Variants in SLC8A1 observed in about 807,000 individuals in gnomAD.
The protein encoded by SLC8A1 is sodium/calcium exchanger 1.
In SLC8A1, 18 loss-of-function variants were observed where a neutral mutation model predicts 68.3. That is an observed-to-expected ratio of 0.26 (90% CI 0.18 to 0.39). The LOEUF (loss-of-function observed/expected upper bound fraction) is 0.39, where lower values mean the gene tolerates loss of function less well. Among genes scored for constraint, SLC8A1 ranks in the 10% least tolerant of loss-of-function variants. The pLI is 1.00. For missense variants in SLC8A1, 985 were observed against 1,156.7 expected (o/e 0.85, Z 2.15); for synonymous variants, 475 against 415.5 (o/e 1.14, Z -1.74).
At position 40,234,554 on chromosome 2, in the gene SLC8A1, AT is replaced by A. The variant is rs1449645844; in HGVS notation, c.1809-56700del. Among the ~76,000 whole-genome samples, 8 of 152,156 alleles carry A rather than the reference AT, an allele frequency of 5.3e-5. No individual in the cohort carries two copies. In the East Asian group the frequency reaches 7.7e-4, roughly 15 times the overall value. The stretch of plus-strand genomic sequence containing the variant: ...ATCATGTCTTCTGCAAAAAGGGACA[AT>A]TTGACTTCCTCTTTTCCTAATTGAA... On this transcript the variant is annotated intron_variant, in intron 2 of 7. Transcript: ENST00000406785.
At chr2:40,124,045 TCTC>T (rs776809829) in intron 7 of SLC8A1, among the ~76,000 whole-genome samples, 1 of 152,134 alleles carries the variant, frequency 6.6e-6, no homozygotes, top group Non-Finnish European at 1.5e-5. Flanking sequence ...CCTATCCAAA[TCTC>T]CTCAAATTCT....
intron 2 of SLC8A1, among the ~76,000 whole-genome samples, chr2:40,210,511 A>G (rs2056384685): frequency 6.6e-6 from 1 of 152,226 alleles, no homozygotes; most frequent in South Asian, 2.1e-4. Flanking sequence ...TGAAGGGATA[A>G]TTAAGAAAGT....
intron 2 of SLC8A1, among the ~76,000 whole-genome samples, chr2:40,290,657 A>G (rs77693340): frequency 0.019 from 2,950 of 152,280 alleles, 86 homozygotes; most frequent in African/African-American, 0.067. Context: ...CCAGAAAACA[A>G]AAAGTATTTT....
At chr2:40,373,080 G>A (rs537720649) in intron 2 of SLC8A1, among the ~76,000 whole-genome samples, 23 of 151,918 alleles carry the variant, frequency 1.5e-4, no homozygotes, top group Non-Finnish European at 2.1e-4. Context: ...GAAGAAAGAA[G>A]TCCAGAAATG....
chr2:40,401,269 G>C (rs1688641728), intron 2 of SLC8A1, among the ~76,000 whole-genome samples: 1 of 152,154 alleles, frequency 6.6e-6, no homozygotes, highest in Non-Finnish European at 1.5e-5. Context: ...AACTGTACTT[G>C]TACCATTCTT....
At chr2:40,388,638 T>A (rs1164800106) in intron 2 of SLC8A1, among the ~76,000 whole-genome samples, 1 of 152,146 alleles carries the variant, frequency 6.6e-6, no homozygotes, top group African/African-American at 2.4e-5. Context: ...TTTTGACAAT[T>A]TTGTTGGAAA....
intron 1 of SLC8A1, among the ~76,000 whole-genome samples, chr2:40,450,112 C>T (rs371247316): frequency 6.6e-6 from 1 of 152,132 alleles, no homozygotes; most frequent in East Asian, 1.9e-4. Context: ...AAAGATGGAG[C>T]TAGTTTTCCC....
At chr2:40,250,593 G>C (rs1231162593) in intron 2 of SLC8A1, 3 of 152,054 alleles carry the variant, frequency 2.0e-5, no homozygotes, top group Non-Finnish European at 4.4e-5. Flanking sequence ...GTGACTCTTC[G>C]AGTTATTCTT....
At chr2:40,367,418 C>T (rs994107315) in intron 2 of SLC8A1, among the ~76,000 whole-genome samples, 5 of 152,050 alleles carry the variant, frequency 3.3e-5, no homozygotes, top group Admixed American at 1.3e-4. Flanking sequence ...TCCATGGTAT[C>T]GCTACACACA....
intron 1 of SLC8A1, among the ~76,000 whole-genome samples, chr2:40,468,108 T>C (rs1418647251): frequency 6.6e-6 from 1 of 152,068 alleles, no homozygotes; most frequent in Non-Finnish European, 1.5e-5. Context: ...ACACATAATA[T>C]ACCCATTTAT....
chr2:40,132,855 C>A (rs2039670462), intron 7 of SLC8A1, among the ~76,000 whole-genome samples: 1 of 152,044 alleles, frequency 6.6e-6, no homozygotes, highest in Non-Finnish European at 1.5e-5. Context: ...GTGCTTATGC[C>A]TAGATATAGT....
At chr2:40,506,367 G>T (rs960840323) in intron 1 of SLC8A1, among the ~76,000 whole-genome samples, 2 of 151,902 alleles carry the variant, frequency 1.3e-5, no homozygotes, top group African/African-American at 2.4e-5. Flanking sequence ...ATACTTTTTA[G>T]AATGGTTATC....
chr2:40,166,059 G>A (rs370954543), intron 4 of SLC8A1, among the ~76,000 whole-genome samples: 2 of 152,196 alleles, frequency 1.3e-5, no homozygotes, highest in African/African-American at 2.4e-5. Context: ...GCCTCCAACA[G>A]GGGGCTGTTG....
intron 2 of SLC8A1, among the ~76,000 whole-genome samples, chr2:40,356,357 A>G (rs28635591): frequency 0.01 from 1,547 of 152,310 alleles, 17 homozygotes; most frequent in African/African-American, 0.035. Flanking sequence ...TGAAAAACCA[A>G]TTCCTGCTCT....
intron 2 of SLC8A1, among the ~76,000 whole-genome samples, chr2:40,350,428 C>G (rs758163923): frequency 1.9e-4 from 29 of 151,964 alleles, no homozygotes; most frequent in Non-Finnish European, 3.5e-4. Flanking sequence ...CTGCAATGAA[C>G]TGTGATCGTG....
intron 2 of SLC8A1, among the ~76,000 whole-genome samples, chr2:40,185,491 A>AG (rs1558664521): frequency 6.4e-4 from 98 of 152,210 alleles, no homozygotes; most frequent in African/African-American, 2.3e-3. Flanking sequence ...CCCAGACACA[A>AG]ATGGCTACAT....
chr2:40,152,295 A>C (rs1019762776), intron 6 of SLC8A1, among the ~76,000 whole-genome samples: 3 of 152,222 alleles, frequency 2.0e-5, no homozygotes, highest in African/African-American at 7.2e-5. Flanking sequence ...ATAGTTGTTT[A>C]TGTGCAATGA....
intron 2 of SLC8A1, among the ~76,000 whole-genome samples, chr2:40,212,166 C>G (rs2056698680): frequency 6.6e-6 from 1 of 151,162 alleles, no homozygotes. Flanking sequence ...GAGAGAGAGA[C>G]AGAGAAAGAG....
chr2:40,325,188 A>C (rs1190704603), intron 2 of SLC8A1, among the ~76,000 whole-genome samples: 1 of 152,202 alleles, frequency 6.6e-6, no homozygotes, highest in Non-Finnish European at 1.5e-5. Context: ...GAAAAATAGC[A>C]GACAGTTTTC....
Sources: gnomAD v4.1 joint callset for allele counts (sites outside exome capture counted in the v4.1 genomes callset) on GRCh38, gnomAD v4.1.1 for gene constraint, MANE v1.5 for transcripts, NCBI Gene and HGNC (gene_info 2026-07-23, HGNC 2026-07-21) for gene names.